Variants in CPSF2 observed in about 807,000 individuals in gnomAD.
CPSF2 encodes the protein cleavage and polyadenylation specific factor 2.
CPSF2 carries 51 observed loss-of-function variants against 84.2 expected under a neutral mutation model. The ratio of observed to expected loss-of-function variants is 0.61; its 90% CI spans 0.48 to 0.77. The LOEUF is 0.77. Among genes scored for constraint, CPSF2 ranks in the 30% least tolerant of loss-of-function variants. The pLI is 0.00. For synonymous variants in CPSF2, 286 were observed against 311.9 expected, an observed-to-expected ratio of 0.92 and a Z score of 0.87; for missense variants, 641 against 929.4, an observed-to-expected ratio of 0.69 and a Z score of 4.03.
At chr14:92,161,397 T>C (rs151270370) in intron 15 of CPSF2, 151 bp downstream of exon 15, 905 of 879,380 alleles carry the variant, frequency 1.0e-3, no homozygotes, top group Admixed American at 1.6e-3. Flanking sequence ...ACAGAAGTCT[T>C]ATTGACTTGA....
intron 9 of CPSF2, among the ~76,000 whole-genome samples, chr14:92,152,859 A>G (rs2069239083): frequency 6.6e-6 from 1 of 152,040 alleles, no homozygotes; most frequent in Non-Finnish European, 1.5e-5. Flanking sequence ...GGGGTTCTCT[A>G]ATTTTTAGGA....
At chr14:92,125,863 T>C (rs2068839721) in intron 1 of CPSF2, among the ~76,000 whole-genome samples, 1 of 152,134 alleles carries the variant, frequency 6.6e-6, no homozygotes, top group Non-Finnish European at 1.5e-5. Flanking sequence ...AAATCCCACC[T>C]CTTCTATGAT....
intron 9 of CPSF2, among the ~76,000 whole-genome samples, chr14:92,147,804 G>A (rs1263011645): frequency 6.6e-6 from 1 of 152,196 alleles, no homozygotes; most frequent in Non-Finnish European, 1.5e-5. Flanking sequence ...GCTCACTGCA[G>A]TCTTGAACTC....
chr14:92,122,087 G>T lies in CPSF2; in HGVS notation c.-135G>T. ...GTCTTGAACCTGGATTCGCCTAGGG[G>T]TTGGGAAGGGCTGTGGACGGCGTTG... On this transcript the variant is annotated 5_prime_UTR_variant, in exon 1 of 16. Transcript: ENST00000298875. 1 of 471,600 alleles carries T rather than the reference G, an allele frequency of 2.1e-6. No homozygotes were observed. The highest frequency in any genetic ancestry group is 3.9e-6 in the Non-Finnish European group (1 of 257,758). 29.2% of individuals were successfully genotyped at this position (471,600 alleles called of 1,614,324 possible).
chr14:92,145,287 G>T (rs1170959504), intron 9 of CPSF2, among the ~76,000 whole-genome samples: 1 of 152,064 alleles, frequency 6.6e-6, no homozygotes, highest in Non-Finnish European at 1.5e-5. Flanking sequence ...AGCCTGGAGT[G>T]CAGTGGCACC....
intron 9 of CPSF2, among the ~76,000 whole-genome samples, chr14:92,146,077 A>G (rs900649296): frequency 1.3e-5 from 2 of 152,344 alleles, no homozygotes; most frequent in Middle Eastern, 3.4e-3. Context: ...CTGAATCGTA[A>G]TATGTACCAA....
chr14:92,134,391 A>G (rs1412383055), intron 5 of CPSF2, 36 bp downstream of exon 5: 1 of 1,363,942 alleles, frequency 7.3e-7, no homozygotes, highest in Admixed American at 1.8e-5. Context: ...ATTTAGATGA[A>G]TGGGGTTTAA....
In CPSF2 at chr14:92,130,532, T is replaced by C. The variant is rs115374476; in HGVS notation, c.-34-419T>C. Among the ~76,000 whole-genome samples, 1,214 of 152,326 alleles carry C rather than the reference T, an allele frequency of 8.0e-3. 22 individuals are homozygous for C. The highest frequency in any genetic ancestry group is 0.028 in the African/African-American group (1,166 of 41,568). On this transcript the variant is annotated intron_variant, in intron 2 of 15. Coordinates refer to ENST00000298875, the MANE Select transcript of CPSF2 (RefSeq NM_017437.3). ...TGCAGTAGTATCTGTTATAGGTAAT[T>C]TATACATTATTTGAAATACTTCAAC... is the stretch of plus-strand genomic sequence containing the variant.
At chr14:92,135,267 C>A in intron 5 of CPSF2, 100 bp from the exon 6 acceptor site, 1 of 1,036,212 alleles carries the variant, frequency 9.7e-7, no homozygotes, top group Non-Finnish European at 1.4e-6. Flanking sequence ...TGTATTATTG[C>A]ATATACAGTA....
chr14:92,144,798 G>A (rs2069122537), intron 9 of CPSF2, among the ~76,000 whole-genome samples: 1 of 152,154 alleles, frequency 6.6e-6, no homozygotes, highest in Non-Finnish European at 1.5e-5. Flanking sequence ...TCACGGTAAG[G>A]TAATTGTATA....
intron 9 of CPSF2, among the ~76,000 whole-genome samples, chr14:92,146,698 A>G (rs982678189): frequency 1.3e-5 from 2 of 151,658 alleles, no homozygotes; most frequent in African/African-American, 4.9e-5. Flanking sequence ...TTAAACATTC[A>G]TCATTTCATG....
In CPSF2 at chr14:92,165,852, A is replaced by ATTTTT. The variant is rs1222722128; in HGVS notation, c.*4109_*4110insTTTTT. 3.7e-5 allele frequency: 2 copies of ATTTTT among 53,916 alleles called. No individual in the cohort carries two copies. The highest frequency in any genetic ancestry group is 1.9e-4 in the African/African-American group (2 of 10,690). The allele number at this position is 53,916 out of a possible 1,614,324, so 3.3% of individuals were successfully genotyped here. ...TTCAGTTCTTTGTGCTTGGTTTTAT[A>ATTTTT]TCTTTTTTTTTTTTTTTTTTTTTTT... On this transcript the variant is annotated 3_prime_UTR_variant, in exon 16 of 16. Coordinates refer to ENST00000298875, the MANE Select transcript of CPSF2 (RefSeq NM_017437.3).
At chr14:92,158,945 G>T (rs760039148) in intron 13 of CPSF2, 38 bp from the exon 14 acceptor site, 143 of 1,507,364 alleles carry the variant, frequency 9.5e-5, no homozygotes, top group Middle Eastern at 1.8e-4. Flanking sequence ...TATGTATTCT[G>T]TGGGTTTTAT....
In CPSF2 at chr14:92,158,937, T is replaced by A. The variant is rs760304215; in HGVS notation, c.1822-46T>A. The A allele has an allele frequency of 2.1e-6, 3 of 1,459,676 alleles. No homozygotes were observed. The Admixed American group carries it at 6.3e-5, about 31-fold the overall frequency. The allele number at this position is 1,459,676 out of a possible 1,614,324, so 90.4% of individuals were successfully genotyped here. On this transcript the variant is annotated intron_variant, in intron 13 of 15. Coordinates refer to ENST00000298875, the MANE Select transcript of CPSF2 (RefSeq NM_017437.3). ...ATAGGTTATATTTAATTTGTTAATA[T>A]GTATTCTGTGGGTTTTATTTCTCTC...
rs1054846164 is a variant in CPSF2, at chr14:92,163,273, G to A, written c.*1529G>A. 2.6e-5 allele frequency: 4 copies of A among 152,262 alleles called. No individual in the cohort carries two copies. Among genetic ancestry groups the A allele is most frequent in the Admixed American group, 1.3e-4 (2 of 15,272 alleles). The allele number at this position is 152,262 out of a possible 1,614,324, so 9.4% of individuals were successfully genotyped here. A position where few individuals can be genotyped will look rare whatever the true frequency, so the allele number is the denominator to read the frequency against. ...GGAACAACCCAGTAATATCAGACTC[G>A]AATTACTATTTCATTCTATTTCAAA... On this transcript the variant is annotated 3_prime_UTR_variant, in exon 16 of 16. Transcript: ENST00000298875.
intron 2 of CPSF2, among the ~76,000 whole-genome samples, chr14:92,127,270 T>C (rs2068855782): frequency 1.3e-5 from 2 of 152,158 alleles, no homozygotes; most frequent in Admixed American, 6.5e-5. Context: ...AGAAGGACTT[T>C]AGGGTGGTCA....
At position 92,143,173 on chromosome 14, in the gene CPSF2, A is replaced by T. The variant is rs369411839; in HGVS notation, c.1019A>T (p.Asp340Val). Residue 340 changes from aspartate to valine, a missense_variant, in exon 9 of 16, where the codon GAT (aspartate) becomes GTT (valine). By Grantham distance (152) the Asp-to-Val change is radical (BLOSUM62 -3). Coordinates refer to ENST00000298875, the MANE Select transcript of CPSF2 (RefSeq NM_017437.3). Reference protein sequence around the residue: ...QPDLECGFSRDLFIQWCQDPK... With the variant: ...QPDLECGFSRVLFIQWCQDPK... ...GACCTGGAATGCGGATTTTCAAGGG[A>T]TCTCTTTATTCAGTGGTGTCAGGAC... 2 of 1,614,066 alleles carry T rather than the reference A, an allele frequency of 1.2e-6. No individual in the cohort carries two copies. The highest frequency in any genetic ancestry group is 2.2e-5 in the East Asian group (1 of 44,864).
intron 9 of CPSF2, among the ~76,000 whole-genome samples, chr14:92,144,518 T>C (rs2069119597): frequency 6.6e-6 from 1 of 152,224 alleles, no homozygotes; most frequent in Admixed American, 6.5e-5. Flanking sequence ...CCTTTTACAG[T>C]CTGTCATCCT....
At chr14:92,153,326 TTAAC>T (rs1336051974) in intron 9 of CPSF2, among the ~76,000 whole-genome samples, 5 of 152,178 alleles carry the variant, frequency 3.3e-5, no homozygotes, top group Non-Finnish European at 5.9e-5. Context: ...CATCCTTTTC[TTAAC>T]TAATTTGGAA....
Sources: allele counts gnomAD v4.1 joint callset (sites outside exome capture counted in the v4.1 genomes callset), GRCh38; gene constraint gnomAD v4.1.1; transcripts MANE v1.5; gene names NCBI Gene and HGNC (gene_info 2026-07-23, HGNC 2026-07-21).